KIAA0319L: variants seen among roughly 807,000 people sequenced by gnomAD.
The protein encoded by KIAA0319L is KIAA0319 like.
In KIAA0319L, 55 loss-of-function variants were observed where a neutral mutation model predicts 120.1. The observed-to-expected ratio is 0.46, with a 90% CI of 0.37 to 0.57. The LOEUF (loss-of-function observed/expected upper bound fraction) is 0.57. Ranked by LOEUF, KIAA0319L falls within the 20% of genes least tolerant of loss-of-function variation. The pLI, the probability that KIAA0319L is intolerant of heterozygous loss-of-function variation, is 0.00. For missense variants in KIAA0319L, 1,049 were observed against 1,255.3 expected (o/e 0.84, Z 2.48); for synonymous variants, 398 against 471.9 (o/e 0.84, Z 2.03).
rs983526148 is a variant in KIAA0319L, at chr1:35,453,452, C to T, written c.1913+105G>A. 1.4e-5 allele frequency: 14 copies of T among 1,025,074 alleles called. No individual in the cohort carries two copies. The African/African-American group carries it at 1.9e-4, about 14-fold the overall frequency. The allele number at this position is 1,025,074 out of a possible 1,614,324, so 63.5% of individuals were successfully genotyped here. A position where few individuals can be genotyped will look rare whatever the true frequency, so the allele number is the denominator to read the frequency against. On this transcript the variant is annotated intron_variant, in intron 12 of 20. Transcript: ENST00000325722. The surrounding 1 kb of genome is among the most constrained non-coding windows in gnomAD (Gnocchi z 4.1). ...AAACATTTCTTCCTCAGTCACCCCA[C>T]TGGATAAGCCAATAAGAGCAACTCA...
rs370808394 is a variant in KIAA0319L, at chr1:35,434,948, T to C, written c.3096A>G (p.Val1032=). The change falls in exon 21 of 21, where the codon GTA becomes GTG. Residue 1032 remains valine (V), a synonymous_variant. Transcript: ENST00000325722. The part of the protein sequence containing the change: ...GKLLHGQNGS[V]PNGQTPLKAR... Reference sequence around the variant, plus strand: ...CCTTCAGAGGGGTCTGCCCGTTGGGTACAGAGCCATTCTGACCATGCAGGA... The same window carrying C: ...CCTTCAGAGGGGTCTGCCCGTTGGGCACAGAGCCATTCTGACCATGCAGGA... 106 of 1,613,744 alleles carry C rather than the reference T, an allele frequency of 6.6e-5. No homozygotes were observed. Among genetic ancestry groups the C allele is most frequent in the Non-Finnish European group, 8.5e-5 (100 of 1,180,016 alleles).
intron 6 of KIAA0319L, 75 bp from the exon 7 acceptor site, chr1:35,466,770 C>T (rs1643293178): frequency 9.8e-7 from 1 of 1,018,868 alleles, no homozygotes; most frequent in Admixed American, 1.9e-5. Flanking sequence ...TATATCTGAA[C>T]TTTCCCAAGC....
intron 3 of KIAA0319L, among the ~76,000 whole-genome samples, chr1:35,504,354 G>T (rs978282401): frequency 6.6e-6 from 1 of 151,754 alleles, no homozygotes; most frequent in Non-Finnish European, 1.5e-5. Context: ...CTGCCACCAC[G>T]CCCGGCTAAC....
intron 2 of KIAA0319L, among the ~76,000 whole-genome samples, chr1:35,516,301 A>C (rs2148429417): frequency 6.6e-6 from 1 of 152,350 alleles, no homozygotes; most frequent in East Asian, 1.9e-4. Flanking sequence ...AAAATCCTCA[A>C]CAAAATACTT....
At chr1:35,464,441 A>G (rs1643114769) in intron 7 of KIAA0319L, among the ~76,000 whole-genome samples, 1 of 152,210 alleles carries the variant, frequency 6.6e-6, no homozygotes, top group Non-Finnish European at 1.5e-5. Context: ...TGAACTTGAG[A>G]GATGATTTAG....
intron 2 of KIAA0319L, among the ~76,000 whole-genome samples, chr1:35,545,397 G>C (rs767334517): frequency 2.0e-5 from 3 of 152,198 alleles, no homozygotes; most frequent in Non-Finnish European, 4.4e-5. Flanking sequence ...AGGCCACACA[G>C]AGTATAACAT....
At position 35,470,925 on chromosome 1, in the gene KIAA0319L, G is replaced by A; in HGVS notation, c.1051C>T (p.His351Tyr). ...ATTTCTCCACTGTAGTCTCTAGGAT[G>A]AGTAATCAGCTGCCAGTCGTAGGTG... is the stretch of plus-strand genomic sequence containing the variant. ...TYTYDWQLIT[H>Y]PRDYSGEMEG... Residue 351 changes from histidine to tyrosine, a missense_variant, in exon 6 of 21, where the codon CAT becomes TAT. Coordinates refer to ENST00000325722, the MANE Select transcript of KIAA0319L (RefSeq NM_024874.5). 1.2e-6 allele frequency: 2 copies of A among 1,613,136 alleles called. No individual in the cohort carries two copies. Among genetic ancestry groups the A allele is most frequent in the Non-Finnish European group, 1.7e-6 (2 of 1,179,088 alleles).
chr1:35,550,335 A>C (rs1470552519), intron 2 of KIAA0319L, among the ~76,000 whole-genome samples: 1 of 152,256 alleles, frequency 6.6e-6, no homozygotes, highest in African/African-American at 2.4e-5. Context: ...GCAGGAATCA[A>C]GAATGTATTT....
intron 2 of KIAA0319L, among the ~76,000 whole-genome samples, chr1:35,549,126 C>T (rs961283304): frequency 2.0e-5 from 3 of 151,884 alleles, no homozygotes; most frequent in African/African-American, 7.3e-5. Context: ...TCACAGTTCA[C>T]TGCAGTCTTG....
chr1:35,540,902 AG>A (rs911133371), intron 2 of KIAA0319L, among the ~76,000 whole-genome samples: 3 of 152,136 alleles, frequency 2.0e-5, no homozygotes, highest in African/African-American at 7.2e-5. Context: ...AAGCTTCATG[AG>A]GGCAGAAACC....
chr1:35,536,451 G>C (rs1412591378), intron 2 of KIAA0319L, among the ~76,000 whole-genome samples: 3 of 152,186 alleles, frequency 2.0e-5, no homozygotes, highest in Non-Finnish European at 4.4e-5. Context: ...GTGGAGAATA[G>C]CTTCCCAGTT....
chr1:35,527,120 T>C (rs1646178596), intron 2 of KIAA0319L, among the ~76,000 whole-genome samples: 1 of 151,786 alleles, frequency 6.6e-6, no homozygotes, highest in African/African-American at 2.4e-5. Context: ...ATTTTATAAG[T>C]TGCTTTTTCT....
At chr1:35,537,715 T>C (rs994600259) in intron 2 of KIAA0319L, among the ~76,000 whole-genome samples, 6 of 152,104 alleles carry the variant, frequency 3.9e-5, no homozygotes, top group African/African-American at 1.2e-4. Flanking sequence ...GAACCACTTT[T>C]TGCTTATAGC....
chr1:35,452,200 A>C (rs953138590), intron 12 of KIAA0319L, among the ~76,000 whole-genome samples: 1 of 152,248 alleles, frequency 6.6e-6, no homozygotes, highest in African/African-American at 2.4e-5. Context: ...CACGTGCCCA[A>C]ATCCTTCCTG....
At chr1:35,533,813 A>C (rs926130721) in intron 2 of KIAA0319L, among the ~76,000 whole-genome samples, 3 of 152,188 alleles carry the variant, frequency 2.0e-5, no homozygotes, top group Non-Finnish European at 4.4e-5. Flanking sequence ...CCGTTCAAAA[A>C]CAAACCTCCT....
At chr1:35,550,581 T>A (rs1384467209) in intron 2 of KIAA0319L, among the ~76,000 whole-genome samples, 1 of 152,196 alleles carries the variant, frequency 6.6e-6, no homozygotes, top group Non-Finnish European at 1.5e-5. Context: ...TACATAAATA[T>A]TTAGTTGTAC....
At chr1:35,524,526 T>C (rs1310191556) in intron 2 of KIAA0319L, among the ~76,000 whole-genome samples, 1 of 152,172 alleles carries the variant, frequency 6.6e-6, no homozygotes, top group East Asian at 1.9e-4. Context: ...ATACAGAATG[T>C]CCCCAACTCT....
intron 20 of KIAA0319L, chr1:35,440,731 C>G (rs1337388883): frequency 2.4e-5 from 9 of 369,068 alleles, no homozygotes; most frequent in Admixed American, 1.1e-4. Context: ...AGTCCAAGGT[C>G]CCTGACCCTG....
chr1:35,544,368 CAA>C (rs748228266), intron 2 of KIAA0319L, among the ~76,000 whole-genome samples: 7 of 53,194 alleles, frequency 1.3e-4, no homozygotes, highest in Non-Finnish European at 1.9e-4. Context: ...GACTCAATCT[CAA>C]AAAAAAAAAA....
Sources: allele counts gnomAD v4.1 joint callset (sites outside exome capture counted in the v4.1 genomes callset), GRCh38; gene constraint gnomAD v4.1.1; non-coding constraint Gnocchi (gnomAD v3.1); transcripts MANE v1.5; gene names NCBI Gene and HGNC (gene_info 2026-07-23, HGNC 2026-07-21).